Variants in MED24 observed in about 807,000 individuals in gnomAD.
MED24 encodes the protein mediator of RNA polymerase II transcription subunit 24.
A neutral mutation model predicts 118.8 loss-of-function variants in MED24; 74 were observed. The observed-to-expected ratio is 0.62, with a 90% CI of 0.52 to 0.76. The LOEUF (loss-of-function observed/expected upper bound fraction) is 0.76, where lower values mean the gene tolerates loss of function less well. Among genes scored for constraint, MED24 ranks in the 30% least tolerant of loss-of-function variants. MED24 has a pLI of 0.00. For synonymous variants in MED24, 521 were observed against 523.9 expected, an observed-to-expected ratio of 0.99 and a Z score of 0.08; for missense variants, 1,041 against 1,278.9, an observed-to-expected ratio of 0.81 and a Z score of 2.84.
intron 24 of MED24, 30 bp from the exon 25 acceptor site, chr17:40,019,963 G>A: frequency 6.4e-7 from 1 of 1,554,580 alleles, no homozygotes; most frequent in African/African-American, 1.4e-5. Flanking sequence ...AGTGACAGGA[G>A]GGAGTTCCAT....
At chr17:40,028,796 C>T (rs1598343077) in intron 14 of MED24, 30 bp downstream of exon 14, 1 of 1,611,946 alleles carries the variant, frequency 6.2e-7, no homozygotes, top group Non-Finnish European at 8.5e-7. Flanking sequence ...TCCCTGCACG[C>T]CCTGGGGTCA....
chr17:40,024,242 G>T, intron 19 of MED24, among the ~76,000 whole-genome samples: 1 of 152,148 alleles, frequency 6.6e-6, no homozygotes, highest in Admixed American at 6.5e-5. Flanking sequence ...TCCCTATTAA[G>T]ACATCCTCAG....
intron 16 of MED24, 159 bp from the exon 17 acceptor site, chr17:40,027,193 C>A: frequency 9.1e-7 from 1 of 1,101,086 alleles, no homozygotes; most frequent in Non-Finnish European, 1.3e-6. Context: ...GGCAATGCTG[C>A]CACCTAGTGG....
chr17:40,020,584 T>C (rs1981857382), intron 23 of MED24: 3 of 866,034 alleles, frequency 3.5e-6, no homozygotes, highest in Non-Finnish European at 5.3e-6. Context: ...GTCCAGGAGT[T>C]TGAGACCAGC....
chr17:40,053,641 A>T lies in MED24; in HGVS notation c.-37-6T>A, dbSNP rs769843641. Reference sequence around the variant, plus strand: ...GTGGCAGCGGTGGCGGCCAGCTTTGAGGTGAAAGAAATGGAGCTAAAGAAA... The same window carrying T: ...GTGGCAGCGGTGGCGGCCAGCTTTGTGGTGAAAGAAATGGAGCTAAAGAAA... On this transcript the variant is annotated splice_polypyrimidine_tract_variant and splice_region_variant and intron_variant, in intron 1 of 25. Coordinates refer to ENST00000394128, the MANE Select transcript of MED24 (RefSeq NM_014815.4). The T allele has an allele frequency of 1.2e-6, 2 of 1,613,524 alleles. No homozygotes were observed. Among genetic ancestry groups the T allele is most frequent in the South Asian group, 2.2e-5 (2 of 91,082 alleles).
chr17:40,034,344 A>ATTTCTT (rs1983709729), intron 6 of MED24, among the ~76,000 whole-genome samples: 2 of 152,212 alleles, frequency 1.3e-5, no homozygotes, highest in African/African-American at 4.8e-5. Context: ...AGTAAAACAT[A>ATTTCTT]CTTGGGGAAG....
intron 12 of MED24, 60 bp from the exon 13 acceptor site, chr17:40,029,919 G>A (rs1180866556): frequency 2.6e-5 from 38 of 1,473,836 alleles, no homozygotes; most frequent in African/African-American, 5.6e-5. Flanking sequence ...TTCTTGACAC[G>A]TTCCCTCGTT....
At chr17:40,052,618 A>AATAG (rs1178571319) in intron 3 of MED24, among the ~76,000 whole-genome samples, 2 of 151,828 alleles carry the variant, frequency 1.3e-5, no homozygotes, top group African/African-American at 4.8e-5. Flanking sequence ...TGTTGTTTTT[A>AATAG]ATAGACGGAG....
intron 15 of MED24, 59 bp downstream of exon 15, chr17:40,027,850 C>T: frequency 2.5e-6 from 4 of 1,575,558 alleles, no homozygotes; most frequent in Non-Finnish European, 3.5e-6. Context: ...CTCCCACACT[C>T]TCCCGCCACA....
intron 3 of MED24, among the ~76,000 whole-genome samples, chr17:40,048,079 C>A (rs981625156): frequency 1.3e-5 from 2 of 152,218 alleles, no homozygotes; most frequent in Admixed American, 1.3e-4. Context: ...TATATTTTTA[C>A]GGAAGTCTTG....
intron 9 of MED24, chr17:40,032,372 G>A: frequency 3.5e-6 from 2 of 569,970 alleles, no homozygotes; most frequent in East Asian, 5.9e-5. Flanking sequence ...GGAGGACTGG[G>A]GCCCCTTTCC....
At chr17:40,053,268 C>T in intron 3 of MED24, 30 bp downstream of exon 3, 1 of 1,567,654 alleles carries the variant, frequency 6.4e-7, no homozygotes, top group South Asian at 1.2e-5. Flanking sequence ...AGAACTCTCA[C>T]TTCTTGGTGG....
chr17:40,023,500 A>T (rs546045543), intron 19 of MED24, 105 bp from the exon 20 acceptor site: 29 of 1,198,544 alleles, frequency 2.4e-5, no homozygotes, highest in Non-Finnish European at 3.2e-5. Flanking sequence ...AGGTTACGGA[A>T]ATCTCCCTGA....
At chr17:40,027,597 A>G in intron 15 of MED24, 132 bp from the exon 16 acceptor site, 1 of 844,294 alleles carries the variant, frequency 1.2e-6, no homozygotes, top group Non-Finnish European at 1.9e-6. Flanking sequence ...TGAGGCTCAG[A>G]ATCCTTTTCT....
chr17:40,021,694 G>GGA (rs1982031083), intron 23 of MED24, among the ~76,000 whole-genome samples: 1 of 152,074 alleles, frequency 6.6e-6, no homozygotes, highest in African/African-American at 2.4e-5. Context: ...GTAAGGGAGG[G>GGA]GCAGGAGGGC....
intron 3 of MED24, among the ~76,000 whole-genome samples, chr17:40,043,612 G>A (rs1015689300): frequency 6.6e-6 from 1 of 152,060 alleles, no homozygotes; most frequent in African/African-American, 2.4e-5. Flanking sequence ...AAATAAGCCA[G>A]GCGCGGTGGC....
intron 10 of MED24, 53 bp from the exon 11 acceptor site, chr17:40,031,673 C>T: frequency 1.3e-6 from 2 of 1,516,938 alleles, no homozygotes; most frequent in Middle Eastern, 1.7e-4. Context: ...AGGCCCTGAT[C>T]ATCTCAGGCA....
At chr17:40,030,091 G>A (rs2144898105) in intron 12 of MED24, among the ~76,000 whole-genome samples, 1 of 152,190 alleles carries the variant, frequency 6.6e-6, no homozygotes, top group Admixed American at 6.5e-5. Flanking sequence ...GGAGTACAGT[G>A]GCACGATCTC....
At position 40,035,942 on chromosome 17, in the gene MED24, C is replaced by T. The variant is rs1983885943; in HGVS notation, c.253-147G>A. 10 of 1,075,302 alleles carry T rather than the reference C, an allele frequency of 9.3e-6. No homozygotes were observed. In the South Asian group the frequency reaches 1.5e-4, roughly 16 times the overall value. 66.6% of individuals were successfully genotyped at this position (1,075,302 alleles called of 1,614,324 possible). ...GCATCCTCAACACTGGACATTGGCTCCCAAGCACCAGCCCCTACTTGCCAG... is the reference window on the plus strand; with the variant it reads ...GCATCCTCAACACTGGACATTGGCTTCCAAGCACCAGCCCCTACTTGCCAG... On this transcript the variant is annotated intron_variant, in intron 4 of 25. Coordinates refer to ENST00000394128, the MANE Select transcript of MED24 (RefSeq NM_014815.4).
Sources: allele counts gnomAD v4.1 joint callset (sites outside exome capture counted in the v4.1 genomes callset), GRCh38; gene constraint gnomAD v4.1.1; transcripts MANE v1.5; gene names NCBI Gene and HGNC (gene_info 2026-07-23, HGNC 2026-07-21).